BMAL2: variants seen among roughly 807,000 people sequenced by gnomAD.
BMAL2 encodes basic helix-loop-helix ARNT like 2, also known as basic helix-loop-helix ARNT-like protein 2.
the BMAL2 span, among the ~76,000 whole-genome samples, chr12:27,407,126 C>G: frequency 6.8e-6 from 1 of 146,030 alleles, no homozygotes; most frequent in Non-Finnish European, 1.5e-5. Context: ...AGACTTAGAC[C>G]CTCACACAAT....
At chr12:27,414,608 A>G in the BMAL2 span, among the ~76,000 whole-genome samples, 2 of 152,210 alleles carry the variant, frequency 1.3e-5, no homozygotes, top group East Asian at 3.8e-4. Flanking sequence ...AGAAAAATGA[A>G]AGTGGAAACA....
chr12:27,394,092 C>T, the BMAL2 span, among the ~76,000 whole-genome samples: 11 of 152,054 alleles, frequency 7.2e-5, no homozygotes, highest in Admixed American at 2.0e-4. Context: ...TCACTGCATC[C>T]CTCTAAGTTT....
the BMAL2 span, among the ~76,000 whole-genome samples, chr12:27,409,704 A>G: frequency 6.6e-6 from 1 of 152,196 alleles, no homozygotes; most frequent in Non-Finnish European, 1.5e-5. Flanking sequence ...CATGTCTAAA[A>G]CACCAAAAGC....
At chr12:27,401,609 G>T in the BMAL2 span, 2 of 1,611,510 alleles carry the variant, frequency 1.2e-6, no homozygotes, top group Non-Finnish European at 8.5e-7. Flanking sequence ...AAAGCCAATG[G>T]TTTAGTTTCA....
chr12:27,395,539 A>G, the BMAL2 span, among the ~76,000 whole-genome samples: 3 of 152,268 alleles, frequency 2.0e-5, no homozygotes, highest in East Asian at 3.9e-4. Flanking sequence ...GCAAAAATGC[A>G]TGTGTACAGT....
the BMAL2 span, chr12:27,416,032 A>G: frequency 1.0e-6 from 1 of 968,322 alleles, no homozygotes; most frequent in Non-Finnish European, 1.6e-6. Flanking sequence ...TTAAGAAAAG[A>G]AGCCATTCTG....
the BMAL2 span, among the ~76,000 whole-genome samples, chr12:27,346,232 G>C: frequency 6.6e-6 from 1 of 152,064 alleles, no homozygotes; most frequent in African/African-American, 2.4e-5. Flanking sequence ...CTTATCTCCT[G>C]AATGTGATGA....
the BMAL2 span, among the ~76,000 whole-genome samples, chr12:27,369,299 T>TGG: frequency 9.5e-3 from 1,427 of 150,864 alleles, 13 homozygotes; most frequent in Middle Eastern, 0.024. Flanking sequence ...TCTTTTTTGG[T>TGG]GGGGGGGGTG....
At chr12:27,345,524 T>C in the BMAL2 span, among the ~76,000 whole-genome samples, 3 of 152,308 alleles carry the variant, frequency 2.0e-5, no homozygotes, top group South Asian at 6.2e-4. Flanking sequence ...CAGGGTTCAC[T>C]CTTGCCCAGG....
chr12:27,423,978 T>C, the BMAL2 span: 1 of 152,216 alleles, frequency 6.6e-6, no homozygotes, highest in African/African-American at 2.4e-5. Flanking sequence ...ATACCAGATT[T>C]TGAAGACTAG....
At chr12:27,393,906 A>G in the BMAL2 span, among the ~76,000 whole-genome samples, 2 of 152,322 alleles carry the variant, frequency 1.3e-5, no homozygotes, top group East Asian at 1.9e-4. Flanking sequence ...TGAATTAATA[A>G]TAGTTTTTGA....
the BMAL2 span, among the ~76,000 whole-genome samples, chr12:27,388,580 C>T: frequency 6.6e-6 from 1 of 151,806 alleles, no homozygotes; most frequent in African/African-American, 2.4e-5. Flanking sequence ...AAGGGAGTCC[C>T]GGAAGTCTAG....
chr12:27,359,047 C>G, the BMAL2 span, among the ~76,000 whole-genome samples: 4 of 152,012 alleles, frequency 2.6e-5, no homozygotes, highest in African/African-American at 9.7e-5. Context: ...TTACCACAAA[C>G]CTATAAAACA....
chr12:27,411,919 CA>C, the BMAL2 span, among the ~76,000 whole-genome samples: 1 of 151,992 alleles, frequency 6.6e-6, no homozygotes, highest in Non-Finnish European at 1.5e-5. Context: ...AAATGGTTGC[CA>C]AATCCAATGT....
At chr12:27,390,322 T>C in the BMAL2 span, 1 of 1,413,340 alleles carries the variant, frequency 7.1e-7, no homozygotes, top group Non-Finnish European at 9.7e-7. Context: ...AAAAATAAAA[T>C]ATATGGTCAA....
At chr12:27,343,636 T>G in the BMAL2 span, among the ~76,000 whole-genome samples, 1 of 152,240 alleles carries the variant, frequency 6.6e-6, no homozygotes, top group Non-Finnish European at 1.5e-5. Context: ...CCTGCTGATG[T>G]TGAAAATGTT....
chr12:27,371,574 G>C, the BMAL2 span, among the ~76,000 whole-genome samples: 1 of 152,184 alleles, frequency 6.6e-6, no homozygotes, highest in African/African-American at 2.4e-5. Flanking sequence ...AAGATCTGCT[G>C]AACTGAAGAA....
the BMAL2 span, among the ~76,000 whole-genome samples, chr12:27,413,214 T>C: frequency 1.2e-4 from 18 of 152,306 alleles, no homozygotes; most frequent in Admixed American, 3.9e-4. Flanking sequence ...AAGATAAGAA[T>C]ATAGTCAAAT....
the BMAL2 span, chr12:27,420,772 T>G: frequency 1.4e-5 from 5 of 362,054 alleles, no homozygotes; most frequent in East Asian, 2.2e-4. Context: ...ATCCACTAGT[T>G]GCCATATTTT....
Sources: gnomAD v4.1 joint callset for allele counts (sites outside exome capture counted in the v4.1 genomes callset) on GRCh38, gnomAD v4.1.1 for gene constraint, MANE v1.5 for transcripts, NCBI Gene and HGNC (gene_info 2026-07-23, HGNC 2026-07-21) for gene names.